SYT1: variants seen among roughly 807,000 people sequenced by gnomAD.
SYT1 encodes synaptotagmin 1.
SYT1 carries 8 observed loss-of-function variants against 44.8 expected under a neutral mutation model. That is an observed-to-expected ratio of 0.18 (90% CI 0.10 to 0.32). The LOEUF is 0.32. Among genes scored for constraint, SYT1 ranks in the 10% least tolerant of loss-of-function variants. The pLI is 1.00. For synonymous variants in SYT1, 154 were observed against 188.8 expected (o/e 0.82, Z 1.51); for missense variants, 286 against 509.3 (o/e 0.56, Z 4.22).
intron 4 of SYT1, among the ~76,000 whole-genome samples, chr12:79,246,874 G>C (rs1170399008): frequency 6.6e-6 from 1 of 152,148 alleles, no homozygotes; most frequent in Non-Finnish European, 1.5e-5. Flanking sequence ...GGAAAATTAA[G>C]GGGATGCCTT....
intron 9 of SYT1, among the ~76,000 whole-genome samples, chr12:79,432,866 C>A (rs1242411084): frequency 6.6e-6 from 1 of 152,140 alleles, no homozygotes; most frequent in Non-Finnish European, 1.5e-5. Flanking sequence ...CCCATCTCGG[C>A]CTCCCAAAGT....
At chr12:79,400,805 A>G (rs1885040604) in intron 9 of SYT1, among the ~76,000 whole-genome samples, 1 of 152,220 alleles carries the variant, frequency 6.6e-6, no homozygotes, top group African/African-American at 2.4e-5. Context: ...CATAAGCCTC[A>G]GTAGTGCATT....
chr12:79,099,591 T>C (rs986454222), intron 3 of SYT1, among the ~76,000 whole-genome samples: 8 of 152,176 alleles, frequency 5.3e-5, no homozygotes, highest in Non-Finnish European at 1.2e-4. Context: ...AGTAGGGTTT[T>C]TAATCCTTAA....
intron 3 of SYT1, among the ~76,000 whole-genome samples, chr12:79,196,646 A>G (rs962791505): frequency 2.6e-5 from 4 of 152,164 alleles, no homozygotes; most frequent in Non-Finnish European, 4.4e-5. Flanking sequence ...TTCCCTTTCA[A>G]CACAACGGAA....
At chr12:79,057,336 A>T (rs1326301576) in intron 3 of SYT1, among the ~76,000 whole-genome samples, 2 of 152,032 alleles carry the variant, frequency 1.3e-5, no homozygotes, top group South Asian at 2.1e-4. Context: ...TTTGTACAAA[A>T]TGTTTCAGAC....
Position 79,314,520 on chromosome 12 carries a change from C to T in SYT1, c.810+14969C>T, listed in dbSNP as rs192037603. The stretch of plus-strand genomic sequence containing the variant: ...TTAATTCCTCTAAGCTCTGACACCC[C>T]ACAAAGGAACTCAAAGTTTCAGGCT... On this transcript the variant is annotated intron_variant, in intron 8 of 10. Transcript: ENST00000261205. Among the ~76,000 whole-genome samples, 580 of 152,222 alleles carry T rather than the reference C, an allele frequency of 3.8e-3. 2 individuals are homozygous for T. Among genetic ancestry groups the T allele is most frequent in the Middle Eastern group, 0.037 (11 of 294 alleles).
chr12:79,421,704 G>A (rs1287416912), intron 9 of SYT1, among the ~76,000 whole-genome samples: 3 of 145,474 alleles, frequency 2.1e-5, no homozygotes, highest in Middle Eastern at 3.6e-3. Context: ...TTGTTTTTTT[G>A]TTTTCTGTTT....
chr12:79,304,753 A>G (rs948898405), intron 8 of SYT1, among the ~76,000 whole-genome samples: 1 of 152,112 alleles, frequency 6.6e-6, no homozygotes, highest in Non-Finnish European at 1.5e-5. Flanking sequence ...ATCTAAGTTT[A>G]TCATGCCTAG....
chr12:79,348,280 C>T (rs983158532), intron 8 of SYT1, among the ~76,000 whole-genome samples: 1 of 152,150 alleles, frequency 6.6e-6, no homozygotes, highest in Non-Finnish European at 1.5e-5. Context: ...GAGGCTATTA[C>T]AGAGGTCTAG....
intron 9 of SYT1, among the ~76,000 whole-genome samples, chr12:79,401,867 C>T (rs1593036343): frequency 6.6e-6 from 1 of 151,988 alleles, no homozygotes; most frequent in African/African-American, 2.4e-5. Flanking sequence ...CATGGTCTTG[C>T]TATGTTGCCC....
intron 10 of SYT1, among the ~76,000 whole-genome samples, chr12:79,447,896 CA>C (rs1428106107): frequency 6.6e-6 from 1 of 152,116 alleles, no homozygotes; most frequent in Non-Finnish European, 1.5e-5. Flanking sequence ...GGCCCTAACT[CA>C]GCTGGTTCTT....
intron 4 of SYT1, among the ~76,000 whole-genome samples, chr12:79,223,888 G>A (rs1875325214): frequency 6.6e-6 from 1 of 152,148 alleles, no homozygotes. Context: ...AAAGTCCTGT[G>A]CTCGCTTCCC....
intron 1 of SYT1, among the ~76,000 whole-genome samples, chr12:78,934,400 G>T (rs11111934): frequency 0.092 from 13,909 of 151,916 alleles, 937 homozygotes; most frequent in East Asian, 0.31. Context: ...AGCCAGGTGT[G>T]GTGGTGCACA....
At chr12:79,081,270 C>G (rs1453332563) in intron 3 of SYT1, among the ~76,000 whole-genome samples, 1 of 152,076 alleles carries the variant, frequency 6.6e-6, no homozygotes, top group Non-Finnish European at 1.5e-5. Context: ...GGCCATATAC[C>G]TATGAACGTT....
chr12:79,166,990 G>T (rs1319716161), intron 3 of SYT1, among the ~76,000 whole-genome samples: 1 of 151,982 alleles, frequency 6.6e-6, no homozygotes. Context: ...TAATGAAAGT[G>T]CTTTATAAAC....
At chr12:79,226,969 G>A (rs1426927322) in intron 4 of SYT1, among the ~76,000 whole-genome samples, 7 of 152,030 alleles carry the variant, frequency 4.6e-5, no homozygotes, top group Admixed American at 2.0e-4. Flanking sequence ...TGCTAATGAC[G>A]GGTAACAAAT....
intron 4 of SYT1, among the ~76,000 whole-genome samples, chr12:79,245,632 C>T (rs987900875): frequency 1.7e-4 from 26 of 151,878 alleles, no homozygotes; most frequent in African/African-American, 6.3e-4. Context: ...AATAATTATG[C>T]AATTTTGTTA....
chr12:78,978,376 G>C (rs932567649), intron 2 of SYT1, among the ~76,000 whole-genome samples: 3 of 152,236 alleles, frequency 2.0e-5, no homozygotes, highest in Middle Eastern at 3.4e-3. Context: ...GGGGTTAGAG[G>C]GGAGAGCAGA....
chr12:78,916,493 T>C (rs1352806461), intron 1 of SYT1, among the ~76,000 whole-genome samples: 1 of 152,058 alleles, frequency 6.6e-6, no homozygotes, highest in Admixed American at 6.6e-5. Flanking sequence ...TAAATTGACT[T>C]ATTTCTCTCT....
Sources: allele counts gnomAD v4.1 joint callset (sites outside exome capture counted in the v4.1 genomes callset), GRCh38; gene constraint gnomAD v4.1.1; transcripts MANE v1.5; gene names NCBI Gene and HGNC (gene_info 2026-07-23, HGNC 2026-07-21).